Variants in HNF4G observed in about 807,000 individuals in gnomAD.
The protein encoded by HNF4G is hepatocyte nuclear factor 4 gamma, also known as hepatocyte nuclear factor 4-gamma.
A neutral mutation model predicts 50.9 loss-of-function variants in HNF4G; 21 were observed. The ratio of observed to expected loss-of-function variants is 0.41; its 90% confidence interval spans 0.29 to 0.59. The LOEUF is 0.59. HNF4G is among the 20% of genes least tolerant of loss of function. The probability of loss-of-function intolerance (pLI) is 0.26; values close to 1 mark genes in which losing one functional copy is unlikely to be tolerated. For synonymous variants in HNF4G, 198 were observed against 185.6 expected (o/e 1.07, Z -0.54); for missense variants, 527 against 559.4 (o/e 0.94, Z 0.58).
At chr8:75,559,556 G>A (rs991638338) in intron 8 of HNF4G, among the ~76,000 whole-genome samples, 1 of 152,002 alleles carries the variant, frequency 6.6e-6, no homozygotes, top group East Asian at 1.9e-4. Context: ...ACAGGCGTGA[G>A]CCACTGCACC....
chr8:75,522,465 A>G (rs2130748427), intron 2 of HNF4G, among the ~76,000 whole-genome samples: 1 of 152,358 alleles, frequency 6.6e-6, no homozygotes, highest in South Asian at 2.1e-4. Context: ...GAAGTATGTT[A>G]AATATTTTGC....
chr8:75,476,382 A>T (rs528838028), intron 1 of HNF4G, among the ~76,000 whole-genome samples: 1 of 152,200 alleles, frequency 6.6e-6, no homozygotes, highest in African/African-American at 2.4e-5. Flanking sequence ...TATTGTGAAC[A>T]GTGCTGCAAT....
intron 5 of HNF4G, 26 bp downstream of exon 5, chr8:75,553,223 CTT>C: frequency 6.4e-7 from 1 of 1,572,724 alleles, no homozygotes; most frequent in Non-Finnish European, 8.7e-7. Flanking sequence ...TTTATAAATG[CTT>C]TAAAAATGCT....
chr8:75,434,636 C>T (rs1180638755), intron 1 of HNF4G, among the ~76,000 whole-genome samples: 10 of 151,312 alleles, frequency 6.6e-5, no homozygotes, highest in East Asian at 1.9e-4. Context: ...AATTTGGAAA[C>T]GCTTAACAAA....
intron 1 of HNF4G, among the ~76,000 whole-genome samples, chr8:75,435,924 T>C (rs1423912461): frequency 6.6e-6 from 1 of 152,200 alleles, no homozygotes; most frequent in Non-Finnish European, 1.5e-5. Context: ...CTATAGAAGA[T>C]AGGACTTCCT....
intron 2 of HNF4G, among the ~76,000 whole-genome samples, chr8:75,496,979 A>C (rs1294645934): frequency 6.6e-6 from 1 of 152,148 alleles, no homozygotes; most frequent in African/African-American, 2.4e-5. Context: ...TTTGTTGCAG[A>C]AAAGATATTT....
At chr8:75,486,866 G>A (rs35468060) in intron 1 of HNF4G, among the ~76,000 whole-genome samples, 7,614 of 152,190 alleles carry the variant, frequency 0.05, 265 homozygotes, top group Non-Finnish European at 0.072. Context: ...GCTGGGTGTG[G>A]TGGCATGTGC....
chr8:75,430,485 AGAGAGAGAGAGAGAGAGG>A (rs1183667940), intron 1 of HNF4G, among the ~76,000 whole-genome samples: 14 of 149,828 alleles, frequency 9.3e-5, no homozygotes, highest in Admixed American at 2.7e-4. Flanking sequence ...AGAGAGAGAG[AGAGAGAGAGAGAGAGAGG>A]GAGAGAGAGA....
intron 1 of HNF4G, among the ~76,000 whole-genome samples, chr8:75,457,027 G>A (rs1209968405): frequency 6.6e-6 from 1 of 152,182 alleles, no homozygotes; most frequent in Admixed American, 6.5e-5. Flanking sequence ...TAAGGTGTGA[G>A]CACCTGGCCT....
Position 75,560,452 on chromosome 8 carries a change from A to G in HNF4G, c.1232A>G (p.His411Arg). ...TTAGGTCCCATGTCAACACTGGTTC[A>G]TGCAGACCAGATCTGTAAGTTTATA... ...ILLGPMSTLV[H>R]ADQISTPETP... Residue 411 changes from histidine (H) to arginine (R), a missense_variant, in exon 9 of 10, where the codon CAT (histidine) becomes CGT (arginine). By Grantham distance (29) the His-to-Arg change is conservative. Around this residue, in one of 5 missense-constraint regions of HNF4G, gnomAD observed 308 missense variants for 301.5 expected, o/e 1.02. Transcript: ENST00000396423. The G allele has an allele frequency of 1.9e-6, 3 of 1,612,812 alleles. No individual in the cohort carries two copies. Among genetic ancestry groups the G allele is most frequent in the Non-Finnish European group, 2.5e-6 (3 of 1,179,214 alleles).
At chr8:75,454,770 G>A (rs372607520) in intron 1 of HNF4G, among the ~76,000 whole-genome samples, 6 of 151,980 alleles carry the variant, frequency 3.9e-5, no homozygotes, top group African/African-American at 7.3e-5. Context: ...CTGACATTTC[G>A]ATTAATATAT....
At chr8:75,537,362 G>A (rs1325145936), upstream of HNF4G, among the ~76,000 whole-genome samples, 2 of 152,054 alleles carry the variant, frequency 1.3e-5, no homozygotes, top group Non-Finnish European at 2.9e-5. Context: ...TCCTGCCTCA[G>A]CCTCCTGAGT....
intron 1 of HNF4G, among the ~76,000 whole-genome samples, chr8:75,438,577 C>T (rs1180682276): frequency 1.3e-5 from 2 of 151,926 alleles, no homozygotes; most frequent in Non-Finnish European, 2.9e-5. Flanking sequence ...TTCCTTTCTT[C>T]CTTTTCAGTT....
At chr8:75,515,184 T>A (rs1256763463) in intron 2 of HNF4G, among the ~76,000 whole-genome samples, 2 of 152,228 alleles carry the variant, frequency 1.3e-5, no homozygotes, top group Admixed American at 6.5e-5. Flanking sequence ...TATTCTCAAC[T>A]GTACAATTTA....
chr8:75,416,475 GGTAAA>G (rs1165315523), intron 1 of HNF4G, among the ~76,000 whole-genome samples: 1 of 151,838 alleles, frequency 6.6e-6, no homozygotes, highest in African/African-American at 2.4e-5. Context: ...TTCTTTTTAT[GGTAAA>G]GTACCAGTGG....
intron 1 of HNF4G, among the ~76,000 whole-genome samples, chr8:75,439,792 C>G (rs1006931700): frequency 6.6e-6 from 1 of 151,942 alleles, no homozygotes; most frequent in Non-Finnish European, 1.5e-5. Context: ...AATAAGCTTA[C>G]ATGTTATAAA....
intron 1 of HNF4G, among the ~76,000 whole-genome samples, chr8:75,479,710 G>T (rs565214556): frequency 6.6e-6 from 1 of 151,412 alleles, no homozygotes. Flanking sequence ...AAAATGTTCT[G>T]CATTTGTTAA....
At chr8:75,559,185 A>G in intron 8 of HNF4G, 148 bp downstream of exon 8, 1 of 638,278 alleles carries the variant, frequency 1.6e-6, no homozygotes, top group Non-Finnish European at 2.8e-6. Flanking sequence ...GACATAATGA[A>G]CTCAAGGTTT....
rs1349738129 is a variant in HNF4G at position 75,480,250 on chromosome 8, T to G, written c.-143-9839T>G. Among the ~76,000 whole-genome samples, 3 of 152,096 alleles carry G rather than the reference T, an allele frequency of 2.0e-5. No homozygotes were observed. In the East Asian group the frequency reaches 5.8e-4, roughly 29 times the overall value. On this transcript the variant is annotated intron_variant, in intron 1 of 10. Coordinates refer to the HNF4G transcript ENST00000354370. The stretch of plus-strand genomic sequence containing the variant: ...AAATTAAATCAAACTTTGGGAAAAA[T>G]CATTTCCCCTTCTTTGAGCAGCGCA...
Sources: allele counts gnomAD v4.1 joint callset (sites outside exome capture counted in the v4.1 genomes callset), GRCh38; gene constraint gnomAD v4.1.1; regional missense constraint gnomAD v4.1.1; transcripts MANE v1.5; gene names NCBI Gene and HGNC (gene_info 2026-07-23, HGNC 2026-07-21).